Variants in RTN1 observed in about 807,000 individuals in gnomAD.
RTN1 encodes reticulon-1.
A neutral mutation model predicts 65.5 loss-of-function variants in RTN1; 25 were observed. The ratio of observed to expected loss-of-function variants is 0.38; its 90% confidence interval spans 0.28 to 0.53. The LOEUF is 0.53. RTN1 is among the 20% of genes least tolerant of loss of function. The probability of loss-of-function intolerance (pLI) is 0.79; values close to 1 mark genes in which losing one functional copy is unlikely to be tolerated. For synonymous variants in RTN1, 471 were observed against 447.6 expected, an observed-to-expected ratio of 1.05 and a Z score of -0.66; for missense variants, 983 against 1,025.4, an observed-to-expected ratio of 0.96 and a Z score of 0.57.
chr14:59,598,085 A>C (rs1337182216), intron 8 of RTN1, among the ~76,000 whole-genome samples: 3 of 152,088 alleles, frequency 2.0e-5, no homozygotes, highest in Non-Finnish European at 2.9e-5. Context: ...TAAAAAAAAA[A>C]TTGGGAAATG....
intron 1 of RTN1, among the ~76,000 whole-genome samples, chr14:59,859,477 G>GT (rs1400985593): frequency 6.6e-6 from 1 of 152,196 alleles, no homozygotes; most frequent in Admixed American, 6.5e-5. Context: ...CCAGTCTCAG[G>GT]TATGTCTTTA....
chr14:59,655,328 C>A (rs906569247), intron 3 of RTN1, among the ~76,000 whole-genome samples: 4 of 152,094 alleles, frequency 2.6e-5, no homozygotes, highest in Admixed American at 6.5e-5. Flanking sequence ...AATGAAATGA[C>A]TTTTTTTGTT....
At chr14:59,620,300 G>A (rs1355582290) in intron 3 of RTN1, among the ~76,000 whole-genome samples, 2 of 152,154 alleles carry the variant, frequency 1.3e-5, no homozygotes, top group Non-Finnish European at 2.9e-5. Context: ...GAGTCAAGAG[G>A]TTCCTGAGAC....
intron 3 of RTN1, among the ~76,000 whole-genome samples, chr14:59,692,940 G>C (rs889116553): frequency 6.6e-6 from 1 of 152,162 alleles, no homozygotes; most frequent in South Asian, 2.1e-4. Context: ...TTAGGTATTT[G>C]CTACCAGCTG....
At chr14:59,675,317 G>A (rs1448924830) in intron 3 of RTN1, among the ~76,000 whole-genome samples, 1 of 152,076 alleles carries the variant, frequency 6.6e-6, no homozygotes, top group African/African-American at 2.4e-5. Context: ...ACTGCATGTG[G>A]AGAGTCTTTT....
chr14:59,716,065 C>A (rs1007808906), intron 3 of RTN1, among the ~76,000 whole-genome samples: 3 of 152,182 alleles, frequency 2.0e-5, no homozygotes, highest in Admixed American at 2.0e-4. Context: ...TTCCGGCTTA[C>A]AGACCATGCT....
intron 3 of RTN1, among the ~76,000 whole-genome samples, chr14:59,718,488 C>G (rs189964077): frequency 1.3e-4 from 20 of 152,308 alleles, no homozygotes; most frequent in Admixed American, 1.2e-3. Context: ...GTATCTAACT[C>G]TAAATAACCA....
chr14:59,699,477 A>T (rs1005343976), intron 3 of RTN1, among the ~76,000 whole-genome samples: 1 of 152,108 alleles, frequency 6.6e-6, no homozygotes, highest in Non-Finnish European at 1.5e-5. Context: ...TTATGAAAAA[A>T]ATTGTATAAA....
At chr14:59,799,282 T>C (rs1413387146) in intron 1 of RTN1, among the ~76,000 whole-genome samples, 1 of 152,232 alleles carries the variant, frequency 6.6e-6, no homozygotes, top group Admixed American at 6.5e-5. Context: ...ACTCATCAAA[T>C]TCCACTCATC....
chr14:59,799,586 T>G (rs369391538), intron 1 of RTN1, among the ~76,000 whole-genome samples: 1 of 152,246 alleles, frequency 6.6e-6, no homozygotes, highest in African/African-American at 2.4e-5. Flanking sequence ...ATGCATAATT[T>G]TAGAATAACT....
chr14:59,782,753 T>A (rs1215117586), intron 1 of RTN1, among the ~76,000 whole-genome samples: 2 of 152,210 alleles, frequency 1.3e-5, no homozygotes, highest in African/African-American at 4.8e-5. Context: ...GCAAGAAAAG[T>A]AATGTACTTC....
At chr14:59,663,376 A>T (rs1883292985) in intron 3 of RTN1, among the ~76,000 whole-genome samples, 1 of 152,154 alleles carries the variant, frequency 6.6e-6, no homozygotes, top group African/African-American at 2.4e-5. Flanking sequence ...AACCATAAAA[A>T]CCCTAGAAGA....
chr14:59,687,474 C>T (rs1359075678), intron 3 of RTN1, among the ~76,000 whole-genome samples: 1 of 152,060 alleles, frequency 6.6e-6, no homozygotes, highest in Non-Finnish European at 1.5e-5. Context: ...ATTCAGAGCA[C>T]CTGCTCCCAA....
At chr14:59,742,752 T>C (rs948953680) in intron 2 of RTN1, among the ~76,000 whole-genome samples, 3 of 152,180 alleles carry the variant, frequency 2.0e-5, no homozygotes, top group African/African-American at 7.2e-5. Flanking sequence ...TGTGCAGTTC[T>C]CAATTTTTGT....
intron 3 of RTN1, among the ~76,000 whole-genome samples, chr14:59,690,596 T>C (rs1479242040): frequency 2.0e-5 from 3 of 152,024 alleles, no homozygotes; most frequent in Non-Finnish European, 4.4e-5. Flanking sequence ...CTAGGCCTAA[T>C]AGACATCTAC....
At chr14:59,792,275 C>T (rs1886362370) in intron 1 of RTN1, among the ~76,000 whole-genome samples, 1 of 151,958 alleles carries the variant, frequency 6.6e-6, no homozygotes, top group Non-Finnish European at 1.5e-5. Context: ...ACTGTACTCC[C>T]AGAAGCAGCT....
chr14:59,787,468 C>T (rs1264363734), intron 1 of RTN1, among the ~76,000 whole-genome samples: 1 of 152,182 alleles, frequency 6.6e-6, no homozygotes. Flanking sequence ...TCTCTCCTCC[C>T]CCTTGGTCAG....
At position 59,870,672 on chromosome 14, in the gene RTN1, C is replaced by A; in HGVS notation, c.-42G>T. ...GCGCGGCGACGGCGGCTTGGCTGGG[C>A]AGAGGCTCGGTGGCTGCGCGGGCGC... On this transcript the variant is annotated 5_prime_UTR_variant, in exon 1 of 9. Coordinates refer to ENST00000267484, the MANE Select transcript of RTN1 (RefSeq NM_021136.3). The surrounding 1 kb of genome is among the most constrained non-coding windows in gnomAD (Gnocchi z 5.1). 1 of 1,335,546 alleles carries A rather than the reference C, an allele frequency of 7.5e-7. No homozygotes were observed. Among genetic ancestry groups the A allele is most frequent in the Non-Finnish European group, 9.5e-7 (1 of 1,051,864 alleles). The allele number at this position is 1,335,546 out of a possible 1,614,324, so 82.7% of individuals were successfully genotyped here. A position where few individuals can be genotyped will look rare whatever the true frequency, so the allele number is the denominator to read the frequency against.
intron 3 of RTN1, among the ~76,000 whole-genome samples, chr14:59,680,454 T>C (rs999585668): frequency 3.9e-5 from 6 of 152,214 alleles, no homozygotes; most frequent in Admixed American, 1.3e-4. Flanking sequence ...TAAGTCTATC[T>C]TTACTAATTT....
Sources: allele counts gnomAD v4.1 joint callset (sites outside exome capture counted in the v4.1 genomes callset), GRCh38; gene constraint gnomAD v4.1.1; non-coding constraint Gnocchi (gnomAD v3.1); transcripts MANE v1.5; gene names NCBI Gene and HGNC (gene_info 2026-07-23, HGNC 2026-07-21).